RORB: variants seen among roughly 807,000 people sequenced by gnomAD.
RORB encodes nuclear receptor ROR-beta.
A neutral mutation model predicts 59.1 loss-of-function variants in RORB; 6 were observed. That is an observed-to-expected ratio of 0.10 (90% CI 0.06 to 0.20). The LOEUF (loss-of-function observed/expected upper bound fraction) is 0.20. RORB is among the 10% of genes least tolerant of loss of function. RORB has a pLI of 1.00. For missense variants in RORB, 320 were observed against 560.5 expected, an observed-to-expected ratio of 0.57 and a Z score of 4.33; for synonymous variants, 215 against 204.5, an observed-to-expected ratio of 1.05 and a Z score of -0.44.
At chr9:74,634,274 T>C (rs1247108948) in intron 2 of RORB, among the ~76,000 whole-genome samples, 2 of 152,178 alleles carry the variant, frequency 1.3e-5, no homozygotes, top group African/African-American at 4.8e-5. Context: ...TCAAGTTCTG[T>C]CATGTTTGGT....
At chr9:74,532,711 CAT>C (rs1826260948) in intron 1 of RORB, among the ~76,000 whole-genome samples, 2 of 149,508 alleles carry the variant, frequency 1.3e-5, no homozygotes, top group East Asian at 4.0e-4. Flanking sequence ...TATGTTTATA[CAT>C]ATATGTGTGT....
chr9:74,623,686 G>A lies in RORB; in HGVS notation c.8-6596G>A, dbSNP rs1469114748. 5.9e-5 allele frequency among the ~76,000 whole-genome samples: 9 copies of A among 152,278 alleles called. 1 individual carries two copies. The highest frequency in any genetic ancestry group is 1.5e-5 in the Non-Finnish European group (1 of 68,038). The stretch of plus-strand genomic sequence containing the variant: ...AATTCTGATTCAGCTGGTCTTGAGT[G>A]AGTCGTGGTAGTCTGCAGTTTTACC... On this transcript the variant is annotated intron_variant, in intron 1 of 9. Transcript: ENST00000376896.
intron 1 of RORB, among the ~76,000 whole-genome samples, chr9:74,589,695 G>T (rs1395213736): frequency 6.6e-6 from 1 of 152,150 alleles, no homozygotes; most frequent in African/African-American, 2.4e-5. Context: ...CACAGGATGA[G>T]TGTCACTGGG....
rs143961498 is a variant in RORB at position 74,640,269 on chromosome 9, C to A, written c.236-2145C>A. 1.6e-3 allele frequency among the ~76,000 whole-genome samples: 251 copies of A among 152,230 alleles called. 1 individual carries two copies. The highest frequency in any genetic ancestry group is 5.7e-3 in the African/African-American group (235 of 41,520). ...TTTGTTTTGTTTTTTGAGACAGAGT[C>A]TCCCTCTGTCACCCAGGCTGGAGTA... On this transcript the variant is annotated intron_variant, in intron 3 of 9. Coordinates refer to ENST00000376896, the MANE Select transcript of RORB (RefSeq NM_006914.4).
At chr9:74,622,235 A>T (rs1323696633) in intron 1 of RORB, among the ~76,000 whole-genome samples, 1 of 152,132 alleles carries the variant, frequency 6.6e-6, no homozygotes, top group Non-Finnish European at 1.5e-5. Context: ...TAGGCTAGAG[A>T]AAGGGGTTTA....
At chr9:74,666,316 C>A (rs971511300) in intron 7 of RORB, among the ~76,000 whole-genome samples, 1 of 151,930 alleles carries the variant, frequency 6.6e-6, no homozygotes, top group African/African-American at 2.4e-5. Context: ...ATAAAATTAG[C>A]TGGGCATGGT....
chr9:74,515,969 G>C (rs1178840985), intron 1 of RORB, among the ~76,000 whole-genome samples: 1 of 151,990 alleles, frequency 6.6e-6, no homozygotes, highest in Non-Finnish European at 1.5e-5. Flanking sequence ...CACCGCAAAT[G>C]AAAGAAACAA....
intron 9 of RORB, among the ~76,000 whole-genome samples, chr9:74,678,157 C>A (rs1824476687): frequency 6.6e-6 from 1 of 152,144 alleles, no homozygotes; most frequent in Non-Finnish European, 1.5e-5. Flanking sequence ...GTTGAAACTT[C>A]AAGTGATTAC....
intron 2 of RORB, 111 bp downstream of exon 2, chr9:74,630,478 G>C: frequency 1.5e-6 from 1 of 660,808 alleles, no homozygotes. Context: ...CCTTCTGCCT[G>C]CTGCTGACAT....
chr9:74,617,087 GC>G (rs869260729), intron 1 of RORB, among the ~76,000 whole-genome samples: 4 of 46,982 alleles, frequency 8.5e-5, no homozygotes, highest in Non-Finnish European at 2.3e-4. Context: ...CCCACCACCC[GC>G]TCCCCCCGCA....
chr9:74,681,463 C>T (rs1182856398), intron 9 of RORB, among the ~76,000 whole-genome samples: 1 of 152,200 alleles, frequency 6.6e-6, no homozygotes, highest in African/African-American at 2.4e-5. Flanking sequence ...ATTCCAAGAG[C>T]ATGGACGCTG....
At chr9:74,630,732 T>A (rs1053281169) in intron 2 of RORB, among the ~76,000 whole-genome samples, 2 of 151,590 alleles carry the variant, frequency 1.3e-5, no homozygotes, top group African/African-American at 2.4e-5. Context: ...GATTATAAAC[T>A]AATAGGTATA....
At chr9:74,641,648 C>G (rs1460818942) in intron 3 of RORB, among the ~76,000 whole-genome samples, 1 of 152,094 alleles carries the variant, frequency 6.6e-6, no homozygotes, top group East Asian at 1.9e-4. Flanking sequence ...CATCTGTAAT[C>G]CCAGCACTTT....
rs1822470755 is a variant in RORB, at chr9:74,566,534, C to T, written c.8-63748C>T. ...CCTTCCGGCCGGGCACAGTGGCTCACACCTGTAATCCCAAGACTTTGGGAA... is the reference window on the plus strand; with the variant it reads ...CCTTCCGGCCGGGCACAGTGGCTCATACCTGTAATCCCAAGACTTTGGGAA... On this transcript the variant is annotated intron_variant, in intron 1 of 9. Coordinates refer to ENST00000376896, the MANE Select transcript of RORB (RefSeq NM_006914.4). Among the ~76,000 whole-genome samples, 6 of 152,174 alleles carry T rather than the reference C, an allele frequency of 3.9e-5. 1 individual carries two copies. In the South Asian group the frequency reaches 1.2e-3, roughly 32 times the overall value.
intron 1 of RORB, among the ~76,000 whole-genome samples, chr9:74,521,346 T>C (rs1242502367): frequency 6.6e-6 from 1 of 151,812 alleles, no homozygotes; most frequent in Non-Finnish European, 1.5e-5. Flanking sequence ...TATAATTAAC[T>C]AAAGTGTTTC....
chr9:74,543,069 C>A (rs1416060006), intron 1 of RORB, among the ~76,000 whole-genome samples: 1 of 152,176 alleles, frequency 6.6e-6, no homozygotes, highest in African/African-American at 2.4e-5. Flanking sequence ...TACATTTGCA[C>A]ATCATTAATT....
At chr9:74,682,774 A>G (rs74689069) in intron 9 of RORB, among the ~76,000 whole-genome samples, 2,090 of 152,304 alleles carry the variant, frequency 0.014, 57 homozygotes, top group African/African-American at 0.048. Flanking sequence ...GAATTTTCTT[A>G]AGAGACAAAG....
rs532886750 is a variant in RORB, at chr9:74,533,626, G to A, written c.7+35643G>A. On this transcript the variant is annotated intron_variant, in intron 1 of 9. Transcript: ENST00000376896. ...AATTAGTTTAATCTGGTTGGGCCTG[G>A]TCAAGCTTATTTAAATTGATTGCAG... Among the ~76,000 whole-genome samples the A allele has an allele frequency of 2.6e-5, 4 of 152,076 alleles. No individual in the cohort carries two copies. In the South Asian group the frequency reaches 8.3e-4, roughly 32 times the overall value.
intron 1 of RORB, among the ~76,000 whole-genome samples, chr9:74,580,189 A>C (rs567161709): frequency 1.3e-5 from 2 of 152,258 alleles, no homozygotes; most frequent in South Asian, 2.1e-4. Flanking sequence ...CGTATTTAGC[A>C]GGAGTAAAAT....
Sources: gnomAD v4.1 joint callset for allele counts (sites outside exome capture counted in the v4.1 genomes callset) on GRCh38, gnomAD v4.1.1 for gene constraint, MANE v1.5 for transcripts, NCBI Gene and HGNC (gene_info 2026-07-23, HGNC 2026-07-21) for gene names.